The following PARG variants were observed in gnomAD, a reference collection of about 807,000 sequenced individuals.
The protein encoded by PARG is poly(ADP-ribose) glycohydrolase.
A neutral mutation model predicts 113.0 loss-of-function variants in PARG; 35 were observed. That is an observed-to-expected ratio of 0.31 (90% CI 0.24 to 0.41). The LOEUF (loss-of-function observed/expected upper bound fraction) is 0.41, where lower values mean the gene tolerates loss of function less well. Ranked by LOEUF, PARG falls within the 10% of genes least tolerant of loss-of-function variation. The pLI is 1.00. For synonymous variants in PARG, 330 were observed against 409.9 expected (o/e 0.81, Z 2.36); for missense variants, 797 against 1,169.4 (o/e 0.68, Z 4.64).
At chr10:49,838,197 G>A (rs989486715) in intron 15 of PARG, among the ~76,000 whole-genome samples, 37 of 152,134 alleles carry the variant, frequency 2.4e-4, no homozygotes, top group South Asian at 1.5e-3. Context: ...TTGGGAGGCC[G>A]AAGCGTGTGG....
chr10:49,920,571 C>A (rs1225842838), intron 6 of PARG, among the ~76,000 whole-genome samples: 1 of 116,484 alleles, frequency 8.6e-6, no homozygotes. Flanking sequence ...CGTATATATA[C>A]GTGTATATAT....
rs377450876 is a variant in PARG, at chr10:49,879,783, C to T, written c.1878G>A (p.Ser626=). 3.2e-4 allele frequency: 436 copies of T among 1,345,806 alleles called. No individual in the cohort carries two copies. Among genetic ancestry groups the T allele is most frequent in the Non-Finnish European group, 4.1e-4 (391 of 953,758 alleles). 83.4% of individuals were successfully genotyped at this position (1,345,806 alleles called of 1,614,324 possible). A position where few individuals can be genotyped will look rare whatever the true frequency, so the allele number is the denominator to read the frequency against. Residue 626 remains serine (S), a synonymous_variant, in exon 9 of 18, where the codon TCG becomes TCA. Transcript: ENST00000616448. The part of the protein sequence containing the change: ...KQKMNHSITM[S]QEQIASLLAN... ...CTAAAAGACTGGCAATCTGTTCCTG[C>T]GACATTGTGATGGAATGATTCATCT...
intron 4 of PARG, among the ~76,000 whole-genome samples, chr10:49,928,031 G>C (rs1163381357): frequency 3.2e-4 from 49 of 152,064 alleles, no homozygotes; most frequent in Non-Finnish European, 4.9e-4. Context: ...CAGCACATTG[G>C]GGGGCCCAGG....
At chr10:49,837,860 A>G (rs1845020187) in intron 15 of PARG, among the ~76,000 whole-genome samples, 2 of 152,164 alleles carry the variant, frequency 1.3e-5, no homozygotes, top group Non-Finnish European at 2.9e-5. Context: ...GATAGGCTCT[A>G]TTACACTCGA....
chr10:49,931,830 A>G (rs1838499363), intron 4 of PARG, among the ~76,000 whole-genome samples: 1 of 152,276 alleles, frequency 6.6e-6, no homozygotes, highest in Non-Finnish European at 1.5e-5. Flanking sequence ...AAAAGAAAAA[A>G]AAAGAATCCA....
At chr10:49,915,639 C>A (rs1283214689) in intron 7 of PARG, among the ~76,000 whole-genome samples, 1 of 151,926 alleles carries the variant, frequency 6.6e-6, no homozygotes, top group Non-Finnish European at 1.5e-5. Flanking sequence ...ATATAAGAAC[C>A]ATTATATTCT....
chr10:49,818,857 A>C lies in PARG; in HGVS notation c.*483T>G, dbSNP rs1564586070. On this transcript the variant is annotated 3_prime_UTR_variant, in exon 18 of 18. Coordinates refer to ENST00000616448, the MANE Select transcript of PARG (RefSeq NM_003631.5). ...CTAATTATTAATTTTCAGAATTTAAAAACTTAAACAATGCAAGCATATTAA... is the reference window on the plus strand; with the variant it reads ...CTAATTATTAATTTTCAGAATTTAACAACTTAAACAATGCAAGCATATTAA... The C allele has an allele frequency of 6.6e-6, 1 of 152,450 alleles. No individual in the cohort carries two copies. The highest frequency in any genetic ancestry group is 1.5e-5 in the Non-Finnish European group (1 of 68,240). 9.4% of individuals were successfully genotyped at this position (152,450 alleles called of 1,614,324 possible). A position where few individuals can be genotyped will look rare whatever the true frequency, so the allele number is the denominator to read the frequency against.
rs12246610 is a variant in PARG, at chr10:49,833,102, G to T, written c.2542-194C>A. 1.9e-3 allele frequency: 747 copies of T among 390,204 alleles called. 6 individuals are homozygous for T. The highest frequency in any genetic ancestry group is 0.015 in the African/African-American group (707 of 48,182). The allele number at this position is 390,204 out of a possible 1,614,324, so 24.2% of individuals were successfully genotyped here. A position where few individuals can be genotyped will look rare whatever the true frequency, so the allele number is the denominator to read the frequency against. On this transcript the variant is annotated intron_variant, in intron 15 of 17. Coordinates refer to ENST00000616448, the MANE Select transcript of PARG (RefSeq NM_003631.5). Reference sequence around the variant, plus strand: ...AAAACCTGGGATTATGCAAGGAAGAGACTAAGAAATGATAAATTCTAATAT... The same window carrying T: ...AAAACCTGGGATTATGCAAGGAAGATACTAAGAAATGATAAATTCTAATAT...
rs368514888 is a variant in PARG at position 49,891,377 on chromosome 10, AAATAGC to A, written c.1738-6088_1738-6083del. Among the ~76,000 whole-genome samples, 341 of 151,654 alleles carry A rather than the reference AAATAGC, an allele frequency of 2.2e-3. 2 individuals are homozygous for A. Among genetic ancestry groups the A allele is most frequent in the African/African-American group, 7.9e-3 (328 of 41,450 alleles). On this transcript the variant is annotated intron_variant, in intron 7 of 17. Coordinates refer to ENST00000616448, the MANE Select transcript of PARG (RefSeq NM_003631.5). ...TCAATCACAAATCAATGAATACAAG[AAATAGC>A]ACAAGCTGCTCCATTTTCTCTATTG...
chr10:49,844,374 G>C (rs1454682508), intron 13 of PARG, among the ~76,000 whole-genome samples: 1 of 152,048 alleles, frequency 6.6e-6, no homozygotes, highest in African/African-American at 2.4e-5. Flanking sequence ...TGTAATCCTA[G>C]CGCTTTGGGA....
chr10:49,820,330 A>AT, intron 16 of PARG, 37 bp from the exon 17 acceptor site: 1 of 1,492,632 alleles, frequency 6.7e-7, no homozygotes, highest in East Asian at 2.5e-5. Flanking sequence ...ATATCATGAC[A>AT]TTTTCCACCT....
In PARG at chr10:49,843,148, G is replaced by A. The variant is rs114853336; in HGVS notation, c.2432+406C>T. Among the ~76,000 whole-genome samples, 273 of 152,296 alleles carry A rather than the reference G, an allele frequency of 1.8e-3. 2 individuals are homozygous for A. The highest frequency in any genetic ancestry group is 6.4e-3 in the African/African-American group (265 of 41,566). On this transcript the variant is annotated intron_variant, in intron 14 of 17. Coordinates refer to ENST00000616448, the MANE Select transcript of PARG (RefSeq NM_003631.5). ...GGTTTGTGGCATTAGGTCAACTGTC[G>A]CAACATAGGTTTCCTCCACCTAATT...
At chr10:49,928,624 C>T (rs1251478503) in intron 4 of PARG, among the ~76,000 whole-genome samples, 1 of 152,130 alleles carries the variant, frequency 6.6e-6, no homozygotes, top group African/African-American at 2.4e-5. Flanking sequence ...TCTGCCTTAG[C>T]CTCATAAGTA....
chr10:49,853,034 A>ATT (rs4012511), intron 13 of PARG, among the ~76,000 whole-genome samples: 23,805 of 133,660 alleles, frequency 0.18, 2,630 homozygotes, highest in Non-Finnish European at 0.26. Context: ...TAAAAAAAAA[A>ATT]TTTTTTTTTT....
chr10:49,927,966 T>TTA (rs1161877901), intron 4 of PARG, among the ~76,000 whole-genome samples: 23 of 128,966 alleles, frequency 1.8e-4, no homozygotes, highest in African/African-American at 6.6e-4. Context: ...CCTGTCTCTT[T>TTA]AAAAAAAAAA....
chr10:49,886,227 C>A (rs1384277043), intron 7 of PARG, among the ~76,000 whole-genome samples: 1 of 152,160 alleles, frequency 6.6e-6, no homozygotes, highest in East Asian at 1.9e-4. Flanking sequence ...GCCTCTATGC[C>A]ACAGCTCTTC....
At chr10:49,835,507 A>C (rs1402435257) in intron 15 of PARG, among the ~76,000 whole-genome samples, 2 of 152,110 alleles carry the variant, frequency 1.3e-5, no homozygotes, top group Admixed American at 1.3e-4. Flanking sequence ...GCGAACATAA[A>C]GGTAATTTGG....
intron 7 of PARG, among the ~76,000 whole-genome samples, chr10:49,905,175 C>T (rs1274067580): frequency 2.0e-5 from 3 of 151,286 alleles, no homozygotes; most frequent in African/African-American, 7.4e-5. Context: ...AATAAAGAAA[C>T]TTAAAGAATT....
chr10:49,893,389 C>A (rs1383671393), intron 7 of PARG, among the ~76,000 whole-genome samples: 1 of 152,202 alleles, frequency 6.6e-6, no homozygotes, highest in Non-Finnish European at 1.5e-5. Context: ...CTTTCAAACT[C>A]TTGCTCATTT....
Sources: allele counts gnomAD v4.1 joint callset (sites outside exome capture counted in the v4.1 genomes callset), GRCh38; gene constraint gnomAD v4.1.1; transcripts MANE v1.5; gene names NCBI Gene and HGNC (gene_info 2026-07-23, HGNC 2026-07-21).